Variants in SGCZ observed in about 807,000 individuals in gnomAD.
SGCZ encodes sarcoglycan zeta.
SGCZ carries 40 observed loss-of-function variants against 41.3 expected under a neutral mutation model. The observed-to-expected ratio is 0.97, with a 90% CI of 0.75 to 1.26. The LOEUF (loss-of-function observed/expected upper bound fraction) is 1.26, where lower values mean the gene tolerates loss of function less well. Ranked by LOEUF, SGCZ falls within the 50% of genes most tolerant of loss-of-function variation. SGCZ has a pLI of 0.00. For missense variants in SGCZ, 552 were observed against 369.8 expected, an observed-to-expected ratio of 1.49 and a Z score of -4.04; for synonymous variants, 206 against 137.5, an observed-to-expected ratio of 1.50 and a Z score of -3.49.
chr8:14,190,014 C>CATTT (rs1805040938), intron 4 of SGCZ, among the ~76,000 whole-genome samples: 1 of 100,202 alleles, frequency 1.0e-5, no homozygotes, highest in African/African-American at 3.5e-5. Flanking sequence ...TTCTTTCTTT[C>CATTT]TTTTTTTTTT....
chr8:15,009,842 T>G (rs1261097635), intron 1 of SGCZ, among the ~76,000 whole-genome samples: 2 of 152,190 alleles, frequency 1.3e-5, no homozygotes, highest in Non-Finnish European at 2.9e-5. Context: ...CTTAAAATAA[T>G]TTTAATAATG....
chr8:14,272,358 T>A (rs941076071), intron 3 of SGCZ, among the ~76,000 whole-genome samples: 1 of 152,320 alleles, frequency 6.6e-6, no homozygotes, highest in Middle Eastern at 3.4e-3. Flanking sequence ...GGTGACTATA[T>A]GACGGACTTT....
chr8:14,369,914 C>A (rs141937794), intron 2 of SGCZ, among the ~76,000 whole-genome samples: 2 of 152,082 alleles, frequency 1.3e-5, no homozygotes, highest in East Asian at 1.9e-4. Flanking sequence ...TAATTAATTT[C>A]TATTTCTACA....
intron 2 of SGCZ, among the ~76,000 whole-genome samples, chr8:14,333,590 A>G (rs769031027): frequency 1.3e-5 from 2 of 152,150 alleles, no homozygotes; most frequent in Non-Finnish European, 2.9e-5. Context: ...TCAGATATTC[A>G]TAGTACACAT....
chr8:14,460,267 A>G (rs1315713798), intron 2 of SGCZ, among the ~76,000 whole-genome samples: 1 of 152,172 alleles, frequency 6.6e-6, no homozygotes. Flanking sequence ...TTAAGCAAAT[A>G]AAAGGGAATG....
At chr8:14,869,802 A>G (rs1804078678) in intron 1 of SGCZ, among the ~76,000 whole-genome samples, 1 of 152,192 alleles carries the variant, frequency 6.6e-6, no homozygotes, top group Admixed American at 6.5e-5. Context: ...CAATAGACAA[A>G]CAGAGAGCTA....
At chr8:14,519,667 C>A (rs1382218214) in intron 2 of SGCZ, among the ~76,000 whole-genome samples, 1 of 152,056 alleles carries the variant, frequency 6.6e-6, no homozygotes, top group Non-Finnish European at 1.5e-5. Flanking sequence ...ATATTTATGT[C>A]TTGAAAACTC....
At chr8:14,313,903 C>CGT (rs1801626726) in intron 3 of SGCZ, among the ~76,000 whole-genome samples, 1 of 118,852 alleles carries the variant, frequency 8.4e-6, no homozygotes, top group Non-Finnish European at 1.8e-5. Flanking sequence ...AGGGTTATAT[C>CGT]ATCTCTCTGT....
Position 14,170,743 on chromosome 8 carries a change from TA to T in SGCZ, c.425-6042del, listed in dbSNP as rs149368629. 7.8e-3 allele frequency among the ~76,000 whole-genome samples: 1,183 copies of T among 152,252 alleles called. 17 individuals carry two copies. The highest frequency in any genetic ancestry group is 0.027 in the African/African-American group (1,138 of 41,562). On this transcript the variant is annotated intron_variant, in intron 4 of 7. Transcript: ENST00000382080. ...GACGGGTGAGACGTTATTTTGTAAA[TA>T]TTTTTTACACCTCATAGTCATTCAA...
At chr8:14,775,258 G>C (rs1274853767) in intron 1 of SGCZ, among the ~76,000 whole-genome samples, 1 of 152,046 alleles carries the variant, frequency 6.6e-6, no homozygotes, top group African/African-American at 2.4e-5. Context: ...AAGGTCTAGA[G>C]TGTAGAGCCC....
At chr8:14,421,556 T>C (rs1361843134) in intron 2 of SGCZ, among the ~76,000 whole-genome samples, 1 of 152,104 alleles carries the variant, frequency 6.6e-6, no homozygotes. Flanking sequence ...CTGCATCATA[T>C]AAGACAAGGA....
intron 1 of SGCZ, among the ~76,000 whole-genome samples, chr8:14,890,232 A>G (rs1804962517): frequency 6.6e-6 from 1 of 151,820 alleles, no homozygotes; most frequent in South Asian, 2.1e-4. Flanking sequence ...GAAAGAAAGA[A>G]AGAGAGAGAG....
intron 1 of SGCZ, among the ~76,000 whole-genome samples, chr8:15,235,507 C>T (rs1283966907): frequency 2.6e-5 from 4 of 152,162 alleles, no homozygotes; most frequent in Non-Finnish European, 4.4e-5. Context: ...CATGCCCAAA[C>T]CTTTCCAGTT....
At chr8:15,133,702 A>C (rs915405563) in intron 1 of SGCZ, among the ~76,000 whole-genome samples, 9 of 152,220 alleles carry the variant, frequency 5.9e-5, no homozygotes, top group Admixed American at 5.2e-4. Flanking sequence ...AAAAATGACA[A>C]CAGTAAGACA....
At chr8:14,527,164 T>C (rs564284339) in intron 2 of SGCZ, among the ~76,000 whole-genome samples, 2 of 152,246 alleles carry the variant, frequency 1.3e-5, no homozygotes, top group East Asian at 1.9e-4. Context: ...TCACACACTA[T>C]GCAAATCAGA....
intron 2 of SGCZ, among the ~76,000 whole-genome samples, chr8:14,545,925 A>C (rs915252197): frequency 4.6e-5 from 7 of 152,146 alleles, no homozygotes; most frequent in Non-Finnish European, 1.0e-4. Flanking sequence ...CTTGTAGTTT[A>C]CTTCAGGAAA....
At chr8:14,671,825 A>G (rs1808112363) in intron 1 of SGCZ, among the ~76,000 whole-genome samples, 1 of 152,192 alleles carries the variant, frequency 6.6e-6, no homozygotes, top group African/African-American at 2.4e-5. Flanking sequence ...TTGAATATAT[A>G]TAGGCATTGG....
Position 14,739,325 on chromosome 8 carries a change from A to C in SGCZ, c.40-184399T>G, listed in dbSNP as rs185053421. 6.9e-3 allele frequency among the ~76,000 whole-genome samples: 1,046 copies of C among 152,198 alleles called. 8 individuals are homozygous for C. Among genetic ancestry groups the C allele is most frequent in the Non-Finnish European group, 8.6e-3 (587 of 67,984 alleles). ...TAGTATGCCATCCAATGTTTCATTA[A>C]ATAATTCACTGCATTTATTCATATT... On this transcript the variant is annotated intron_variant, in intron 1 of 7. Coordinates refer to ENST00000382080, the MANE Select transcript of SGCZ (RefSeq NM_139167.4).
chr8:14,574,944 A>C (rs1446863118), intron 1 of SGCZ, among the ~76,000 whole-genome samples: 1 of 152,190 alleles, frequency 6.6e-6, no homozygotes, highest in African/African-American at 2.4e-5. Context: ...AGAACGCACA[A>C]AAATAAAATT....
Sources: gnomAD v4.1 joint callset for allele counts (sites outside exome capture counted in the v4.1 genomes callset) on GRCh38, gnomAD v4.1.1 for gene constraint, MANE v1.5 for transcripts, NCBI Gene and HGNC (gene_info 2026-07-23, HGNC 2026-07-21) for gene names.